Variants in HIPK1 observed in about 807,000 individuals in gnomAD.
HIPK1 encodes homeodomain interacting protein kinase 1, also known as homeodomain-interacting protein kinase 1.
HIPK1 carries 28 observed loss-of-function variants against 117.1 expected under a neutral mutation model. The observed-to-expected ratio is 0.24, with a 90% CI of 0.18 to 0.33. The LOEUF is 0.33. Ranked by LOEUF, HIPK1 falls within the 10% of genes least tolerant of loss-of-function variation. The pLI is 1.00. For missense variants in HIPK1, 1,122 were observed against 1,475.1 expected (o/e 0.76, Z 3.92); for synonymous variants, 605 against 562.5 (o/e 1.08, Z -1.07).
intron 15 of HIPK1, 128 bp downstream of exon 15, chr1:113,972,082 T>G (rs1672871866): frequency 6.2e-7 from 1 of 1,610,088 alleles, no homozygotes; most frequent in Non-Finnish European, 8.5e-7. Context: ...AATTTTGTGT[T>G]CTATGGCTTA....
Position 113,974,976 on chromosome 1 carries a change from A to G in HIPK1, c.*1464A>G, listed in dbSNP as rs1673062125. 1 of 152,748 alleles carries G rather than the reference A, an allele frequency of 6.5e-6. No homozygotes were observed. The highest frequency in any genetic ancestry group is 1.5e-5 in the Non-Finnish European group (1 of 68,040). The allele number at this position is 152,748 out of a possible 1,614,324, so 9.5% of individuals were successfully genotyped here. A position where few individuals can be genotyped will look rare whatever the true frequency, so the allele number is the denominator to read the frequency against. ...ATACTTGTTGGAATGTATGTGAACT[A>G]ATTGCAATTATATTAGAGCATATTA... On this transcript the variant is annotated 3_prime_UTR_variant, in exon 16 of 16. Transcript: ENST00000426820.
intron 1 of HIPK1, among the ~76,000 whole-genome samples, chr1:113,932,431 G>T (rs1051110606): frequency 4.0e-5 from 6 of 149,476 alleles, no homozygotes; most frequent in African/African-American, 1.5e-4. Flanking sequence ...AGGTCGGAGT[G>T]CCGTGGTGGG....
At position 113,941,483 on chromosome 1, in the gene HIPK1, G is replaced by A. The variant is rs374418877; in HGVS notation, c.1076+24G>A. 4.0e-5 allele frequency: 63 copies of A among 1,572,332 alleles called. No homozygotes were observed. The highest frequency in any genetic ancestry group is 2.4e-4 in the African/African-American group (18 of 74,244). On this transcript the variant is annotated intron_variant, in intron 2 of 15. Transcript: ENST00000426820. The surrounding 1 kb of genome is among the most constrained non-coding windows in gnomAD (Gnocchi z 4.9). ...AGGCAAGTGGCAAATGCTGAAAATC[G>A]TATCTTAGGCTAGAGTTCTGTCCTT...
At chr1:113,970,908 A>G (rs909676463) in intron 14 of HIPK1, among the ~76,000 whole-genome samples, 43 of 152,330 alleles carry the variant, frequency 2.8e-4, no homozygotes, top group African/African-American at 9.6e-4. Context: ...TAGGCTGGAA[A>G]TAAGTGGAAA....
At chr1:113,963,633 A>AT in intron 10 of HIPK1, 112 bp downstream of exon 10, 1 of 1,341,216 alleles carries the variant, frequency 7.5e-7, no homozygotes, top group Non-Finnish European at 1.0e-6. Context: ...TTTCAAAAAA[A>AT]TTTTTTAGCT....
At position 113,953,586 on chromosome 1, in the gene HIPK1, C is replaced by T. The variant is rs560638797; in HGVS notation, c.1200+697C>T. Among the ~76,000 whole-genome samples, 608 of 152,128 alleles carry T rather than the reference C, an allele frequency of 4.0e-3. 2 individuals carry two copies. Among genetic ancestry groups the T allele is most frequent in the African/African-American group, 0.014 (563 of 41,520 alleles). ...AGGCTGGAGTGCAGTGGCGCGATCT[C>T]GGCTCACTGCAACCTCTGCCTCCCT... On this transcript the variant is annotated intron_variant, in intron 3 of 15. Transcript: ENST00000426820.
chr1:113,972,881 C>A, intron 15 of HIPK1, 143 bp from the exon 16 acceptor site: 1 of 809,814 alleles, frequency 1.2e-6, no homozygotes, highest in Non-Finnish European at 1.8e-6. Flanking sequence ...TGATTTCTGA[C>A]AGCATTCAAT....
intron 2 of HIPK1, among the ~76,000 whole-genome samples, chr1:113,942,907 A>G (rs1670745577): frequency 6.6e-6 from 1 of 152,210 alleles, no homozygotes; most frequent in Non-Finnish European, 1.5e-5. Flanking sequence ...AAAAACATAG[A>G]TAACCTATAA....
At position 113,976,954 on chromosome 1, in the gene HIPK1, A is replaced by T. The variant is rs12136789; in HGVS notation, c.*3442A>T. The T allele has an allele frequency of 0.011, 1,751 of 152,870 alleles. 11 individuals are homozygous for T. Among genetic ancestry groups the T allele is most frequent in the Non-Finnish European group, 0.019 (1,261 of 68,024 alleles). The allele number at this position is 152,870 out of a possible 1,614,324, so 9.5% of individuals were successfully genotyped here. A position where few individuals can be genotyped will look rare whatever the true frequency, so the allele number is the denominator to read the frequency against. ...TCCAGAGTTTTTAATAGCTCCCAGG[A>T]GGTGATATTATTTTCAGTGCTCAGC... On this transcript the variant is annotated 3_prime_UTR_variant, in exon 16 of 16. Coordinates refer to ENST00000426820, the MANE Select transcript of HIPK1 (RefSeq NM_198268.3).
intron 1 of HIPK1, among the ~76,000 whole-genome samples, chr1:113,934,379 G>A (rs1670112611): frequency 6.6e-6 from 1 of 152,150 alleles, no homozygotes; most frequent in Non-Finnish European, 1.5e-5. Flanking sequence ...ATAGTGTGGA[G>A]CACCCAGTAA....
In HIPK1 at chr1:113,969,128, T is replaced by C. The variant is rs538711515; in HGVS notation, c.2771+480T>C. ...TACGGAAGAGGGAATGACCTCTTGC[T>C]TTTACCTGAGAAGGTAGGATTCACA... On this transcript the variant is annotated intron_variant, in intron 13 of 15. Transcript: ENST00000426820. Among the ~76,000 whole-genome samples the C allele has an allele frequency of 5.3e-5, 8 of 152,278 alleles. No homozygotes were observed. The South Asian group carries it at 1.7e-3, about 32-fold the overall frequency.
intron 1 of HIPK1, among the ~76,000 whole-genome samples, chr1:113,931,975 C>A (rs1669926264): frequency 6.6e-6 from 1 of 152,140 alleles, no homozygotes; most frequent in Non-Finnish European, 1.5e-5. Flanking sequence ...TCCCTTTGTG[C>A]CATTCTGAAC....
chr1:113,934,784 G>GAAAAAAAAAAAAAA (rs564619583), intron 1 of HIPK1, among the ~76,000 whole-genome samples: 1 of 51,552 alleles, frequency 1.9e-5, no homozygotes, highest in East Asian at 5.9e-4. Flanking sequence ...CCTCATCTCT[G>GAAAAAAAAAAAAAA]AAAAAAAAAA....
At chr1:113,952,079 C>T (rs1671404803) in intron 2 of HIPK1, among the ~76,000 whole-genome samples, 1 of 150,832 alleles carries the variant, frequency 6.6e-6, no homozygotes, top group Admixed American at 6.7e-5. Context: ...GCTGGGATTA[C>T]AGGCGCCCAC....
At chr1:113,950,159 G>A (rs1363036160) in intron 2 of HIPK1, among the ~76,000 whole-genome samples, 1 of 152,018 alleles carries the variant, frequency 6.6e-6, no homozygotes, top group Non-Finnish European at 1.5e-5. Context: ...TAGATGGGGA[G>A]GGATATTCTT....
chr1:113,931,368 T>C (rs1023356871), intron 1 of HIPK1, among the ~76,000 whole-genome samples: 1 of 152,168 alleles, frequency 6.6e-6, no homozygotes, highest in Non-Finnish European at 1.5e-5. Flanking sequence ...TGATGAAGGG[T>C]GGCATTGACT....
chr1:113,953,421 G>C (rs1241624351), intron 3 of HIPK1, among the ~76,000 whole-genome samples: 1 of 152,120 alleles, frequency 6.6e-6, no homozygotes, highest in East Asian at 1.9e-4. Context: ...CAAACTTTAG[G>C]AGATATGGTA....
chr1:113,948,513 A>G (rs1481620023), intron 2 of HIPK1, among the ~76,000 whole-genome samples: 2 of 151,006 alleles, frequency 1.3e-5, no homozygotes, highest in Admixed American at 1.3e-4. Context: ...TTGGCTTCCC[A>G]AAGTGCTGGG....
chr1:113,944,194 G>A (rs1231494413), intron 2 of HIPK1, among the ~76,000 whole-genome samples: 1 of 70,110 alleles, frequency 1.4e-5, no homozygotes, highest in Admixed American at 2.1e-4. Context: ...TTTTTGAGAT[G>A]GAGTTTCACT....
Sources: gnomAD v4.1 joint callset for allele counts (sites outside exome capture counted in the v4.1 genomes callset) on GRCh38, gnomAD v4.1.1 for gene constraint, Gnocchi (gnomAD v3.1) non-coding constraint, MANE v1.5 for transcripts, NCBI Gene and HGNC (gene_info 2026-07-23, HGNC 2026-07-21) for gene names.